Variants in SMIM41 observed in about 807,000 individuals in gnomAD.
SMIM41 encodes the protein small integral membrane protein 41.
chr12:52,104,226 T>C (rs1432062690), intron 2 of SMIM41: 1 of 152,328 alleles, frequency 6.6e-6, no homozygotes, highest in Non-Finnish European at 1.5e-5. Context: ...CTTCTTCTTC[T>C]TGCATTATTA....
chr12:52,093,247 T>C (rs1477953123), intron 2 of SMIM41, among the ~76,000 whole-genome samples: 1 of 152,174 alleles, frequency 6.6e-6, no homozygotes. Context: ...AACTACAACT[T>C]ACATAAAACA....
At chr12:52,097,525 C>T (rs1290815199) in intron 2 of SMIM41, among the ~76,000 whole-genome samples, 1 of 152,084 alleles carries the variant, frequency 6.6e-6, no homozygotes, top group African/African-American at 2.4e-5. Context: ...TGTTAGCAGC[C>T]ACTGTGGACA....
chr12:52,099,062 C>A (rs1282936238), intron 2 of SMIM41, among the ~76,000 whole-genome samples: 1 of 151,508 alleles, frequency 6.6e-6, no homozygotes, highest in Non-Finnish European at 1.5e-5. Flanking sequence ...ACACCCCCTG[C>A]AATATTGGGA....
chr12:52,094,203 T>C (rs1218836230), intron 2 of SMIM41, among the ~76,000 whole-genome samples: 1 of 150,686 alleles, frequency 6.6e-6, no homozygotes, highest in Non-Finnish European at 1.5e-5. Context: ...TTTGATTTTT[T>C]TTTTTTTTTT....
At chr12:52,099,785 T>C (rs1469518079) in intron 2 of SMIM41, among the ~76,000 whole-genome samples, 1 of 150,906 alleles carries the variant, frequency 6.6e-6, no homozygotes, top group Non-Finnish European at 1.5e-5. Flanking sequence ...CATCCTCTTT[T>C]TCCCTGGATA....
At chr12:52,105,626 G>C (rs1374243539) in intron 2 of SMIM41, among the ~76,000 whole-genome samples, 1 of 152,028 alleles carries the variant, frequency 6.6e-6, no homozygotes, top group Non-Finnish European at 1.5e-5. Flanking sequence ...AGTGGCGGGC[G>C]CCTGTAATCT....
chr12:52,090,435 TG>T (rs374399940), intron 2 of SMIM41, among the ~76,000 whole-genome samples: 17 of 34,278 alleles, frequency 5.0e-4, no homozygotes, highest in African/African-American at 1.9e-3. Context: ...ATAGAGAGAG[TG>T]GGGAGGGGGC....
chr12:52,091,553 G>A (rs1026923357), intron 2 of SMIM41, among the ~76,000 whole-genome samples: 1 of 152,176 alleles, frequency 6.6e-6, no homozygotes, highest in Non-Finnish European at 1.5e-5. Context: ...TTCCCTGCCC[G>A]AGCCATCTGC....
At chr12:52,099,992 G>A (rs1201688638) in intron 2 of SMIM41, among the ~76,000 whole-genome samples, 4 of 151,976 alleles carry the variant, frequency 2.6e-5, no homozygotes, top group Non-Finnish European at 5.9e-5. Flanking sequence ...GAGATATTGG[G>A]AGTAATGACA....
rs1339558579 is a variant in SMIM41 at position 52,094,753 on chromosome 12, A to T, written c.*195+10785A>T. 2.0e-5 allele frequency: 3 copies of T among 152,560 alleles called. No individual in the cohort carries two copies. In the East Asian group the frequency reaches 5.8e-4, roughly 29 times the overall value. 9.5% of individuals were successfully genotyped at this position (152,560 alleles called of 1,614,324 possible). ...ATCAGTCTAGGTGTTCTTTGGATTTAGTGGAGCTTCTGTCTCTCCTCTGGG... is the reference window on the plus strand; with the variant it reads ...ATCAGTCTAGGTGTTCTTTGGATTTTGTGGAGCTTCTGTCTCTCCTCTGGG... On this transcript the variant is annotated intron_variant, in intron 2 of 2. Coordinates refer to ENST00000546390, the MANE Select transcript of SMIM41 (RefSeq NM_001369216.1).
chr12:52,079,948 G>A lies in SMIM41; in HGVS notation c.169G>A (p.Gly57Ser). 2.6e-6 allele frequency: 1 copy of A among 385,874 alleles called. No homozygotes were observed. 23.9% of individuals were successfully genotyped at this position (385,874 alleles called of 1,614,324 possible). Reference protein sequence around the residue: ...VLCGVLFLGGGLLLRAQGLTA... With the variant: ...VLCGVLFLGGSLLLRAQGLTA... The stretch of plus-strand genomic sequence containing the variant: ...TTGCGGGGTCCTGTTCCTGGGCGGC[G>A]GCCTCCTCCTCCGCGCCCAGGGCCT... The change falls in exon 1 of 3, where the codon GGC becomes AGC. Residue 57 changes from glycine to serine, a missense_variant. By Grantham distance (56) the Gly-to-Ser change is moderately conservative. Coordinates refer to ENST00000546390, the MANE Select transcript of SMIM41 (RefSeq NM_001369216.1).
chr12:52,090,303 G>A (rs1434665178), intron 2 of SMIM41, among the ~76,000 whole-genome samples: 1 of 152,018 alleles, frequency 6.6e-6, no homozygotes, highest in African/African-American at 2.4e-5. Context: ...GGCTGGTCTC[G>A]AACTCCTGAA....
At chr12:52,104,960 C>T (rs1328519576) in intron 2 of SMIM41, among the ~76,000 whole-genome samples, 1 of 152,180 alleles carries the variant, frequency 6.6e-6, no homozygotes, top group Non-Finnish European at 1.5e-5. Flanking sequence ...TATTAGTGCA[C>T]ATTTCATTAT....
At chr12:52,086,180 C>T (rs1376004815) in intron 2 of SMIM41, among the ~76,000 whole-genome samples, 1 of 152,120 alleles carries the variant, frequency 6.6e-6, no homozygotes. Context: ...GAGAGGATTT[C>T]AGAAACTGAG....
intron 2 of SMIM41, among the ~76,000 whole-genome samples, chr12:52,106,798 C>G (rs1476784013): frequency 0.014 from 1,983 of 138,314 alleles, no homozygotes; most frequent in African/African-American, 0.048. Context: ...GGACCTAACT[C>G]GCATGTGGAA....
intron 2 of SMIM41, among the ~76,000 whole-genome samples, chr12:52,094,070 G>C (rs1171567416): frequency 1.4e-5 from 2 of 145,940 alleles, no homozygotes; most frequent in African/African-American, 5.0e-5. Context: ...GGCGTAGGTT[G>C]CAGTGAGCTG....
chr12:52,103,356 C>CAAA (rs1940259423), intron 2 of SMIM41, among the ~76,000 whole-genome samples: 2 of 126,492 alleles, frequency 1.6e-5, no homozygotes, highest in Admixed American at 7.7e-5. Flanking sequence ...TAAAATAAAA[C>CAAA]CAAAAAAAAA....
chr12:52,084,388 AC>A (rs1320853606), intron 2 of SMIM41, among the ~76,000 whole-genome samples: 156 of 20,444 alleles, frequency 7.6e-3, no homozygotes, highest in Non-Finnish European at 9.6e-3. Flanking sequence ...AAAAAAACAA[AC>A]AAAAAAAAAC....
At chr12:52,102,246 C>A (rs1035234074) in intron 2 of SMIM41, among the ~76,000 whole-genome samples, 1 of 152,172 alleles carries the variant, frequency 6.6e-6, no homozygotes, top group Non-Finnish European at 1.5e-5. Context: ...GGATCAAAGA[C>A]CTCACCCCAA....
Sources: allele counts gnomAD v4.1 joint callset (sites outside exome capture counted in the v4.1 genomes callset), GRCh38; gene constraint gnomAD v4.1.1; transcripts MANE v1.5; gene names NCBI Gene and HGNC (gene_info 2026-07-23, HGNC 2026-07-21).